GRAMD1B: variants seen among roughly 807,000 people sequenced by gnomAD.
GRAMD1B encodes the protein protein Aster-B.
A neutral mutation model predicts 99.7 loss-of-function variants in GRAMD1B; 37 were observed. The observed-to-expected ratio is 0.37, with a 90% CI of 0.29 to 0.49. The LOEUF (loss-of-function observed/expected upper bound fraction) is 0.49. Among genes scored for constraint, GRAMD1B ranks in the 20% least tolerant of loss-of-function variants. The probability of loss-of-function intolerance (pLI) is 0.98; values close to 1 mark genes in which losing one functional copy is unlikely to be tolerated. For missense variants in GRAMD1B, 888 were observed against 1,009.2 expected, an observed-to-expected ratio of 0.88 and a Z score of 1.63; for synonymous variants, 427 against 387.6, an observed-to-expected ratio of 1.10 and a Z score of -1.19.
intron 1 of GRAMD1B, among the ~76,000 whole-genome samples, chr11:123,403,700 C>G (rs1387869958): frequency 1.3e-5 from 2 of 151,530 alleles, no homozygotes; most frequent in Non-Finnish European, 2.9e-5. Context: ...TGCACAACCA[C>G]GCTCAGCTAA....
At chr11:123,382,564 A>T (rs1946915482) in intron 1 of GRAMD1B, among the ~76,000 whole-genome samples, 1 of 152,140 alleles carries the variant, frequency 6.6e-6, no homozygotes, top group Non-Finnish European at 1.5e-5. Context: ...CTTGATTTGC[A>T]TATAGGAGTG....
chr11:123,389,117 G>A (rs568957667), intron 1 of GRAMD1B, among the ~76,000 whole-genome samples: 10 of 152,224 alleles, frequency 6.6e-5, no homozygotes, highest in African/African-American at 2.2e-4. Flanking sequence ...GGGCACGGTG[G>A]CTCACACCTG....
chr11:123,584,756 C>G lies in GRAMD1B; in HGVS notation c.684+424C>G, dbSNP rs1400815540. Among the ~76,000 whole-genome samples, 3 of 152,152 alleles carry G rather than the reference C, an allele frequency of 2.0e-5. No individual in the cohort carries two copies. In the East Asian group the frequency reaches 5.8e-4, roughly 29 times the overall value. The stretch of plus-strand genomic sequence containing the variant: ...TTTCCCCCATTGATAGAAGAGTCAA[C>G]CCATGTGCTGGGATTTGACCCCTGT... On this transcript the variant is annotated intron_variant, in intron 4 of 19. Transcript: ENST00000635736.
intron 2 of GRAMD1B, among the ~76,000 whole-genome samples, chr11:123,502,642 G>T (rs1939982372): frequency 1.3e-5 from 2 of 152,068 alleles, no homozygotes; most frequent in Non-Finnish European, 2.9e-5. Context: ...AGATGTGGAA[G>T]TGCGTGCCTG....
chr11:123,544,810 GA>G (rs1409622859), intron 2 of GRAMD1B, among the ~76,000 whole-genome samples: 2 of 152,256 alleles, frequency 1.3e-5, no homozygotes, highest in Admixed American at 6.5e-5. Context: ...TGGATAGGCT[GA>G]GCTGGCATTT....
chr11:123,548,956 G>A lies in GRAMD1B; in HGVS notation c.453-28411G>A, dbSNP rs188106263. On this transcript the variant is annotated intron_variant, in intron 2 of 19. Transcript: ENST00000635736. The stretch of plus-strand genomic sequence containing the variant: ...TTGGTTTAGCATTTAGAGAGAGAGC[G>A]AGCAAGCCTCCCATCTGCCCAGCAC... Among the ~76,000 whole-genome samples, 79 of 152,266 alleles carry A rather than the reference G, an allele frequency of 5.2e-4. 1 individual carries two copies. The highest frequency in any genetic ancestry group is 5.1e-3 in the Admixed American group (78 of 15,296).
At chr11:123,458,104 TGA>T (rs141375594) in intron 1 of GRAMD1B, among the ~76,000 whole-genome samples, 113 of 151,462 alleles carry the variant, frequency 7.5e-4, no homozygotes, top group African/African-American at 2.3e-3. Context: ...GTTGGAGTTC[TGA>T]GAGAGAGAGA....
Position 123,589,644 on chromosome 11 carries a change from T to C in GRAMD1B, c.685-4438T>C, listed in dbSNP as rs182853491. Among the ~76,000 whole-genome samples the C allele has an allele frequency of 4.3e-3, 553 of 127,432 alleles. 5 individuals carry two copies. Among genetic ancestry groups the C allele is most frequent in the African/African-American group, 0.018 (524 of 29,186 alleles). 83.6% of individuals were successfully genotyped at this position (127,432 alleles called of 152,430 possible). A position where few individuals can be genotyped will look rare whatever the true frequency, so the allele number is the denominator to read the frequency against. On this transcript the variant is annotated intron_variant, in intron 4 of 19. Coordinates refer to ENST00000635736, the MANE Select transcript of GRAMD1B (RefSeq NM_001387025.1). ...TATATATATATATATATATTTGTAG[T>C]AGAGACGGGGTTTCACTATGTTGGC...
chr11:123,529,565 G>A lies in GRAMD1B; in HGVS notation c.453-47802G>A, dbSNP rs77880571. Among the ~76,000 whole-genome samples, 1,276 of 152,312 alleles carry A rather than the reference G, an allele frequency of 8.4e-3. 16 individuals carry two copies. The highest frequency in any genetic ancestry group is 0.029 in the African/African-American group (1,189 of 41,568). On this transcript the variant is annotated intron_variant, in intron 2 of 19. Transcript: ENST00000635736. ...CTTGGTGAGCAAGGTAAGGGCAGTG[G>A]TGGAGGAGACTGAGAGAGGAGGTGG...
At chr11:123,538,366 C>T (rs850291) in intron 2 of GRAMD1B, among the ~76,000 whole-genome samples, 51,803 of 151,846 alleles carry the variant, frequency 0.34, 8,970 homozygotes, top group East Asian at 0.51. Flanking sequence ...GGAACAGCCA[C>T]CTGACTGATT....
chr11:123,548,863 C>T (rs1185351376), intron 2 of GRAMD1B, among the ~76,000 whole-genome samples: 2 of 152,194 alleles, frequency 1.3e-5, no homozygotes, highest in Non-Finnish European at 2.9e-5. Flanking sequence ...CCTGCCACGA[C>T]CTTCCAGAGC....
At chr11:123,463,787 G>A (rs1016812203) in intron 1 of GRAMD1B, among the ~76,000 whole-genome samples, 4 of 152,218 alleles carry the variant, frequency 2.6e-5, no homozygotes, top group African/African-American at 7.2e-5. Context: ...AAAGTGGAGA[G>A]CACAACATGC....
intron 1 of GRAMD1B, among the ~76,000 whole-genome samples, chr11:123,370,810 T>C (rs1946501740): frequency 6.6e-6 from 1 of 152,104 alleles, no homozygotes; most frequent in South Asian, 2.1e-4. Flanking sequence ...AGTGTTCTGT[T>C]GGAGTTGGAA....
At chr11:123,470,518 T>C (rs985550037) in intron 1 of GRAMD1B, among the ~76,000 whole-genome samples, 8 of 143,498 alleles carry the variant, frequency 5.6e-5, no homozygotes, top group African/African-American at 2.1e-4. Flanking sequence ...TTCTTTTTTT[T>C]TTTTTTTTTT....
Position 123,588,655 on chromosome 11 carries a change from C to T in GRAMD1B, c.684+4323C>T, listed in dbSNP as rs58161481. On this transcript the variant is annotated intron_variant, in intron 4 of 19. Transcript: ENST00000635736. ...CTCGGGATAGGGCTGACATGCAGGG[C>T]GAAGAGAAGTTTGCACGTGTGCTGG... is the stretch of plus-strand genomic sequence containing the variant. Among the ~76,000 whole-genome samples the T allele has an allele frequency of 2.0e-5, 3 of 152,094 alleles. No individual in the cohort carries two copies. In the East Asian group the frequency reaches 5.8e-4, roughly 29 times the overall value.
intron 17 of GRAMD1B, among the ~76,000 whole-genome samples, chr11:123,616,501 C>CT (rs1218408174): frequency 6.6e-6 from 1 of 152,238 alleles, no homozygotes; most frequent in Non-Finnish European, 1.5e-5. Flanking sequence ...TGCATTTTGA[C>CT]TTTAAGTAGA....
chr11:123,564,426 G>A (rs537416562), intron 2 of GRAMD1B, among the ~76,000 whole-genome samples: 32 of 152,328 alleles, frequency 2.1e-4, no homozygotes, highest in African/African-American at 4.8e-4. Flanking sequence ...TAATAAAAGC[G>A]GAAGCTCAGA....
chr11:123,486,566 AAAAC>A (rs1475583297), intron 2 of GRAMD1B, among the ~76,000 whole-genome samples: 2 of 148,128 alleles, frequency 1.4e-5, no homozygotes, highest in Non-Finnish European at 3.0e-5. Flanking sequence ...AAAAAAAAAA[AAAAC>A]AAAAAGAAAA....
At chr11:123,583,333 T>C (rs1424332680) in intron 3 of GRAMD1B, among the ~76,000 whole-genome samples, 1 of 147,480 alleles carries the variant, frequency 6.8e-6, no homozygotes. Context: ...TGTGTGCATG[T>C]GTGTGGTGTG....
Sources: gnomAD v4.1 joint callset for allele counts (sites outside exome capture counted in the v4.1 genomes callset) on GRCh38, gnomAD v4.1.1 for gene constraint, MANE v1.5 for transcripts, NCBI Gene and HGNC (gene_info 2026-07-23, HGNC 2026-07-21) for gene names.